Variants in PAX3 observed in about 807,000 individuals in gnomAD.
PAX3 encodes paired box 3, also known as paired box protein Pax-3.
A neutral mutation model predicts 51.6 loss-of-function variants in PAX3; 14 were observed. The observed-to-expected ratio is 0.27, with a 90% CI of 0.18 to 0.42. The LOEUF (loss-of-function observed/expected upper bound fraction) is 0.42, where lower values mean the gene tolerates loss of function less well. PAX3 is among the 10% of genes least tolerant of loss of function. PAX3 has a pLI of 1.00. For synonymous variants in PAX3, 280 were observed against 253.4 expected, an observed-to-expected ratio of 1.11 and a Z score of -1.00; for missense variants, 540 against 642.8, an observed-to-expected ratio of 0.84 and a Z score of 1.73.
chr2:222,232,203 G>A lies in PAX3; in HGVS notation c.667C>T (p.Arg223Ter), dbSNP rs772241382. 1.2e-6 allele frequency: 2 copies of A among 1,614,036 alleles called. No homozygotes were observed. Among genetic ancestry groups the A allele is most frequent in the South Asian group, 1.1e-5 (1 of 91,080 alleles). ...LPLKRKQRRS[R>*]TTFTAEQLEE... ...AGCTGTTCTGCTGTGAAGGTGGTTC[G>A]GCTTCTGCGCTGTTTCCTCTTTAGT... Residue 223 changes from arginine to a stop codon, truncating the protein, a stop_gained, in exon 5 of 9, where the codon CGA becomes TGA. Transcript: ENST00000392070. LOFTEE classifies it high-confidence loss of function.
intron 4 of PAX3, among the ~76,000 whole-genome samples, chr2:222,238,764 T>C (rs191793667): frequency 1.8e-4 from 27 of 152,256 alleles, no homozygotes; most frequent in African/African-American, 6.5e-4. Context: ...AAGAACAAGA[T>C]AAAAATAAGA....
chr2:222,275,731 C>G (rs1694397619), intron 4 of PAX3, among the ~76,000 whole-genome samples: 1 of 152,082 alleles, frequency 6.6e-6, no homozygotes, highest in Non-Finnish European at 1.5e-5. Flanking sequence ...ACATTCTTTC[C>G]AAGTTTTTAA....
intron 5 of PAX3, 48 bp from the exon 6 acceptor site, chr2:222,221,435 TA>T: frequency 6.6e-7 from 1 of 1,519,386 alleles, no homozygotes; most frequent in Non-Finnish European, 9.1e-7. Flanking sequence ...GAAATAATAG[TA>T]CATTCTTAAT....
At chr2:222,294,146 G>GC (rs761547733) in intron 4 of PAX3, 21 bp downstream of exon 4, 1 of 1,614,036 alleles carries the variant, frequency 6.2e-7, no homozygotes, top group South Asian at 1.1e-5. Context: ...CAAGTGCGCC[G>GC]CCCAAGGCGC....
chr2:222,253,339 G>GT (rs1389757516), intron 4 of PAX3, among the ~76,000 whole-genome samples: 1 of 152,192 alleles, frequency 6.6e-6, no homozygotes, highest in Non-Finnish European at 1.5e-5. Context: ...AAATTATAGT[G>GT]TTGAGGTATG....
Position 222,201,130 on chromosome 2 carries a change from T to C in PAX3, c.*278A>G. 1 of 1,605,440 alleles carries C rather than the reference T, an allele frequency of 6.2e-7. No homozygotes were observed. Among genetic ancestry groups the C allele is most frequent in the East Asian group, 2.2e-5 (1 of 44,702 alleles). ...ACTAAAGAATTGGGATGTTTTGATA[T>C]GTAACCATGTGAAACCATTGCCTTA... On this transcript the variant is annotated 3_prime_UTR_variant, in exon 9 of 9. Transcript: ENST00000392070.
rs1042323597 is a variant in PAX3, at chr2:222,285,337, G to A, written c.586+8830C>T. ...AAAATGCTTTTGAAAGAAAGAGGTA[G>A]TATGAAGGAAACTAGGAAGTTAGTA... On this transcript the variant is annotated intron_variant, in intron 4 of 8. Coordinates refer to ENST00000392070, the MANE Select transcript of PAX3 (RefSeq NM_181458.4). Among the ~76,000 whole-genome samples the A allele has an allele frequency of 6.6e-5, 10 of 152,302 alleles. No homozygotes were observed. In the East Asian group the frequency reaches 1.2e-3, roughly 18 times the overall value.
At chr2:222,254,049 A>G (rs1693541575) in intron 4 of PAX3, among the ~76,000 whole-genome samples, 1 of 152,236 alleles carries the variant, frequency 6.6e-6, no homozygotes, top group African/African-American at 2.4e-5. Flanking sequence ...TCTGCAAAGC[A>G]GCGCACATAA....
chr2:222,260,632 C>T, intron 4 of PAX3, among the ~76,000 whole-genome samples: 1 of 110,856 alleles, frequency 9.0e-6, no homozygotes, highest in African/African-American at 3.5e-5. Context: ...CTCTCTGTTG[C>T]CCAGGTTGGA....
rs1167239404 is a variant in PAX3, at chr2:222,200,479, G to A, written c.*929C>T. The A allele has an allele frequency of 1.7e-5, 4 of 230,738 alleles. No individual in the cohort carries two copies. Among genetic ancestry groups the A allele is most frequent in the Middle Eastern group, 1.3e-3 (1 of 790 alleles). The allele number at this position is 230,738 out of a possible 1,614,324, so 14.3% of individuals were successfully genotyped here. On this transcript the variant is annotated 3_prime_UTR_variant, in exon 9 of 9. Transcript: ENST00000392070. Reference sequence around the variant, plus strand: ...TGCACTCTATCACTATGAATTATGGGCTGTGAAAATAAAAGCACCTGCAAA... The same window carrying A: ...TGCACTCTATCACTATGAATTATGGACTGTGAAAATAAAAGCACCTGCAAA...
intron 4 of PAX3, chr2:222,263,779 A>C (rs1427780359): frequency 6.6e-6 from 1 of 152,232 alleles, no homozygotes; most frequent in Non-Finnish European, 1.5e-5. Context: ...TGGCATACCC[A>C]TTCAGTAGAA....
chr2:222,283,501 A>G (rs1292143511), intron 4 of PAX3, among the ~76,000 whole-genome samples: 1 of 152,172 alleles, frequency 6.6e-6, no homozygotes, highest in African/African-American at 2.4e-5. Flanking sequence ...TCAAAAATAA[A>G]TACGATAATT....
intron 5 of PAX3, 33 bp from the exon 6 acceptor site, chr2:222,221,420 C>G: frequency 6.3e-7 from 1 of 1,580,874 alleles, no homozygotes; most frequent in Non-Finnish European, 8.7e-7. Context: ...AAGGATTTCA[C>G]TGATGAAATA....
intron 4 of PAX3, among the ~76,000 whole-genome samples, chr2:222,250,899 G>T (rs1693404611): frequency 6.6e-6 from 1 of 152,066 alleles, no homozygotes; most frequent in African/African-American, 2.4e-5. Context: ...TCATTTGAGG[G>T]AGATTTATTT....
intron 4 of PAX3, among the ~76,000 whole-genome samples, chr2:222,238,811 G>A (rs900778766): frequency 6.6e-6 from 1 of 152,148 alleles, no homozygotes; most frequent in African/African-American, 2.4e-5. Context: ...TTTTTATACT[G>A]CGAGTCTGAT....
intron 7 of PAX3, among the ~76,000 whole-genome samples, chr2:222,218,911 A>G (rs1269069319): frequency 6.6e-6 from 1 of 152,148 alleles, no homozygotes; most frequent in African/African-American, 2.4e-5. Context: ...GGAAATGTTT[A>G]TTTCATTGCC....
intron 1 of PAX3, chr2:222,298,247 C>T: frequency 4.1e-6 from 2 of 488,810 alleles, no homozygotes; most frequent in East Asian, 6.6e-5. Context: ...GCCGGTTCAC[C>T]TCCTTCTCCA....
chr2:222,225,930 T>A (rs577975332), intron 5 of PAX3, among the ~76,000 whole-genome samples: 5 of 152,168 alleles, frequency 3.3e-5, no homozygotes, highest in Non-Finnish European at 7.4e-5. Context: ...AGAAAACACC[T>A]CAAATAATTG....
intron 4 of PAX3, among the ~76,000 whole-genome samples, chr2:222,272,990 T>C (rs1182666163): frequency 1.3e-5 from 2 of 152,210 alleles, no homozygotes; most frequent in Non-Finnish European, 2.9e-5. Context: ...CGTATTCATG[T>C]TCATTGTGAA....
Sources: allele counts gnomAD v4.1 joint callset (sites outside exome capture counted in the v4.1 genomes callset), GRCh38; gene constraint gnomAD v4.1.1; transcripts MANE v1.5; gene names NCBI Gene and HGNC (gene_info 2026-07-23, HGNC 2026-07-21).